Variants in PTPRD observed in about 807,000 individuals in gnomAD.
PTPRD encodes receptor-type tyrosine-protein phosphatase delta.
In PTPRD, 34 loss-of-function variants were observed where a neutral mutation model predicts 214.5. The ratio of observed to expected loss-of-function variants is 0.16; its 90% confidence interval spans 0.12 to 0.21. The LOEUF (loss-of-function observed/expected upper bound fraction) is 0.21. PTPRD is among the 10% of genes least tolerant of loss of function. PTPRD has a pLI of 1.00. For missense variants in PTPRD, 2,545 were observed against 2,398.7 expected (o/e 1.06, Z -1.27); for synonymous variants, 1,128 against 845.7 (o/e 1.33, Z -5.79).
intron 6 of PTPRD, among the ~76,000 whole-genome samples, chr9:9,747,646 A>C (rs953245868): frequency 6.6e-6 from 1 of 150,634 alleles, no homozygotes; most frequent in Non-Finnish European, 1.5e-5. Context: ...TCGCAGGTTC[A>C]CACAATTCTC....
chr9:9,482,299 C>T (rs2095448453), intron 8 of PTPRD, among the ~76,000 whole-genome samples: 1 of 152,110 alleles, frequency 6.6e-6, no homozygotes, highest in Non-Finnish European at 1.5e-5. Context: ...AAGTATAACA[C>T]TTGTTTTAAC....
intron 9 of PTPRD, among the ~76,000 whole-genome samples, chr9:9,254,659 A>G (rs183475146): frequency 6.6e-6 from 1 of 152,224 alleles, no homozygotes; most frequent in African/African-American, 2.4e-5. Flanking sequence ...CATGATTAAC[A>G]TCTGGAAGCC....
Position 9,588,631 on chromosome 9 carries a change from T to C in PTPRD, c.-286-13850A>G, listed in dbSNP as rs572394083. 5.3e-5 allele frequency among the ~76,000 whole-genome samples: 8 copies of C among 152,154 alleles called. No homozygotes were observed. The South Asian group carries it at 1.7e-3, about 32-fold the overall frequency. ...GCACAGAAATAATTAGGAATAACTCTGAAACTAATATTTTTTAATATCCAT... is the reference window on the plus strand; with the variant it reads ...GCACAGAAATAATTAGGAATAACTCCGAAACTAATATTTTTTAATATCCAT... On this transcript the variant is annotated intron_variant, in intron 7 of 45. Transcript: ENST00000381196.
chr9:10,051,911 C>A (rs2097542106), intron 3 of PTPRD, among the ~76,000 whole-genome samples: 1 of 152,088 alleles, frequency 6.6e-6, no homozygotes, highest in South Asian at 2.1e-4. Flanking sequence ...ACAGCAACCA[C>A]ATGTTTTACT....
chr9:8,487,811 A>AAAACAAAC (rs67229240), intron 27 of PTPRD, among the ~76,000 whole-genome samples: 1 of 151,082 alleles, frequency 6.6e-6, no homozygotes, highest in African/African-American at 2.4e-5. Context: ...TTCCGTCTCA[A>AAAACAAAC]AAACAAACAA....
At chr9:9,319,857 G>C (rs186653832) in intron 9 of PTPRD, among the ~76,000 whole-genome samples, 2 of 152,216 alleles carry the variant, frequency 1.3e-5, no homozygotes, top group Non-Finnish European at 2.9e-5. Context: ...AATTTAGCCA[G>C]TCTCTATAAC....
At chr9:9,940,713 T>C (rs1316567820) in intron 4 of PTPRD, among the ~76,000 whole-genome samples, 1 of 152,206 alleles carries the variant, frequency 6.6e-6, no homozygotes. Flanking sequence ...CCAGTCATGC[T>C]GAGCTCTTCA....
intron 11 of PTPRD, among the ~76,000 whole-genome samples, chr9:8,783,350 T>C (rs2095814593): frequency 6.6e-6 from 1 of 152,232 alleles, no homozygotes; most frequent in South Asian, 2.1e-4. Flanking sequence ...TTTCTGTATA[T>C]CATAAAGTAA....
At chr9:8,457,196 G>C (rs1018045586) in intron 33 of PTPRD, among the ~76,000 whole-genome samples, 12 of 152,152 alleles carry the variant, frequency 7.9e-5, no homozygotes, top group African/African-American at 2.4e-4. Flanking sequence ...TCAGAGTGTT[G>C]GCATGAATTT....
chr9:10,554,793 T>C (rs2062109153), intron 2 of PTPRD, among the ~76,000 whole-genome samples: 1 of 152,174 alleles, frequency 6.6e-6, no homozygotes, highest in Admixed American at 6.5e-5. Context: ...CCCGAGTAGC[T>C]GGGACTACAG....
intron 8 of PTPRD, among the ~76,000 whole-genome samples, chr9:9,540,005 T>A (rs1369472871): frequency 6.6e-6 from 1 of 151,810 alleles, no homozygotes; most frequent in East Asian, 1.9e-4. Context: ...TGAGATGAAA[T>A]TCTTCCTAGG....
At chr9:10,389,557 A>G (rs1338328024) in intron 2 of PTPRD, among the ~76,000 whole-genome samples, 1 of 151,866 alleles carries the variant, frequency 6.6e-6, no homozygotes, top group Non-Finnish European at 1.5e-5. Context: ...TTTGTGAGAC[A>G]AAATAATTCA....
At chr9:8,380,188 C>A (rs1215873078) in intron 37 of PTPRD, among the ~76,000 whole-genome samples, 3 of 152,090 alleles carry the variant, frequency 2.0e-5, no homozygotes, top group Non-Finnish European at 4.4e-5. Context: ...TTTCTAGGTG[C>A]AAAGCAAGGT....
intron 12 of PTPRD, among the ~76,000 whole-genome samples, chr9:8,698,175 T>C (rs2097970191): frequency 6.6e-6 from 1 of 152,232 alleles, no homozygotes; most frequent in African/African-American, 2.4e-5. Context: ...GATGTAGATA[T>C]TGTAAAATGC....
chr9:9,450,638 A>G (rs1345302105), intron 8 of PTPRD, among the ~76,000 whole-genome samples: 1 of 151,868 alleles, frequency 6.6e-6, no homozygotes, highest in African/African-American at 2.4e-5. Flanking sequence ...CTGAGACCTA[A>G]GCATTTACAT....
intron 10 of PTPRD, among the ~76,000 whole-genome samples, chr9:9,084,458 C>T (rs1569534965): frequency 6.6e-6 from 1 of 152,056 alleles, no homozygotes; most frequent in Non-Finnish European, 1.5e-5. Flanking sequence ...TTGCAGATGA[C>T]AGGTTGATGG....
At chr9:10,276,202 G>A (rs73641899) in intron 3 of PTPRD, among the ~76,000 whole-genome samples, 6,794 of 152,258 alleles carry the variant, frequency 0.045, 362 homozygotes, top group Admixed American at 0.13. Flanking sequence ...TTAAACATAT[G>A]AACAGGCCTT....
intron 9 of PTPRD, among the ~76,000 whole-genome samples, chr9:9,293,481 C>A (rs942528272): frequency 6.6e-6 from 1 of 150,850 alleles, no homozygotes; most frequent in Non-Finnish European, 1.5e-5. Context: ...TGCTCCAGTA[C>A]TAGAATCACC....
chr9:9,254,013 T>G (rs1435647528), intron 9 of PTPRD, among the ~76,000 whole-genome samples: 2 of 152,128 alleles, frequency 1.3e-5, no homozygotes, highest in Non-Finnish European at 2.9e-5. Context: ...CCTTTGTGTC[T>G]CTCTTCACCT....
Sources: gnomAD v4.1 joint callset for allele counts (sites outside exome capture counted in the v4.1 genomes callset) on GRCh38, gnomAD v4.1.1 for gene constraint, MANE v1.5 for transcripts, NCBI Gene and HGNC (gene_info 2026-07-23, HGNC 2026-07-21) for gene names.